The following DYTN variants were observed in gnomAD, a reference collection of about 807,000 sequenced individuals.
The protein encoded by DYTN is dystrotelin.
A neutral mutation model predicts 69.6 loss-of-function variants in DYTN; 75 were observed. The observed-to-expected ratio is 1.08, with a 90% CI of 0.89 to 1.31. The LOEUF is 1.31. DYTN is among the 50% of genes most tolerant of loss of function. DYTN has a pLI of 0.00. For missense variants in DYTN, 726 were observed against 688.4 expected, an observed-to-expected ratio of 1.05 and a Z score of -0.61; for synonymous variants, 252 against 249.1, an observed-to-expected ratio of 1.01 and a Z score of -0.11.
At chr2:206,713,531 G>A (rs926472874) in intron 1 of DYTN, among the ~76,000 whole-genome samples, 10 of 152,184 alleles carry the variant, frequency 6.6e-5, no homozygotes, top group African/African-American at 2.4e-4. Context: ...ATGCGCTGGG[G>A]GGATGGCCAT....
chr2:206,703,175 G>A (rs1379923061), intron 5 of DYTN, among the ~76,000 whole-genome samples: 1 of 152,170 alleles, frequency 6.6e-6, no homozygotes, highest in Non-Finnish European at 1.5e-5. Context: ...AACAAGGGCA[G>A]ATTTTTAGAG....
intron 9 of DYTN, among the ~76,000 whole-genome samples, chr2:206,669,242 A>G (rs995022004): frequency 1.3e-5 from 2 of 152,224 alleles, no homozygotes; most frequent in South Asian, 2.1e-4. Flanking sequence ...TTTTCACACT[A>G]CTTGTGCACA....
In DYTN at chr2:206,693,299, GT is replaced by G; in HGVS notation, c.855del (p.Lys285AsnfsTer31). The G allele has an allele frequency of 6.2e-7, 1 of 1,612,964 alleles. No individual in the cohort carries two copies. Among genetic ancestry groups the G allele is most frequent in the Non-Finnish European group, 8.5e-7 (1 of 1,179,858 alleles). On this transcript the variant is annotated frameshift_variant, in exon 9 of 12. Transcript: ENST00000452335. LOFTEE classifies it high-confidence loss of function. ...CIQMSAMQNT[K>X]LLFRTLRNNL... ...TTGTTTCTGAGGGTCCTGAAGAGAA[GT>G]TTTGTATTCTGCATTGCTGACATCT...
intron 1 of DYTN, among the ~76,000 whole-genome samples, chr2:206,715,005 T>C (rs937482798): frequency 6.6e-6 from 1 of 151,932 alleles, no homozygotes; most frequent in Admixed American, 6.6e-5. Context: ...AGCTACTTAG[T>C]GCATGTTGAA....
intron 11 of DYTN, among the ~76,000 whole-genome samples, chr2:206,659,484 CAAAAAAAAAAAAA>C (rs772861150): frequency 1.5e-5 from 1 of 64,574 alleles, no homozygotes; most frequent in East Asian, 5.1e-4. Context: ...CAACAATTCT[CAAAAAAAAAAAAA>C]AAAAAAAAAA....
intron 7 of DYTN, 129 bp downstream of exon 7, chr2:206,699,598 T>C: frequency 8.6e-7 from 1 of 1,159,246 alleles, no homozygotes; most frequent in Non-Finnish European, 1.2e-6. Context: ...CAGGAAATCA[T>C]TGAGCCAAAA....
rs1688455794 is a variant in DYTN at position 206,699,765 on chromosome 2, C to A, written c.681G>T (p.Arg227=). The stretch of plus-strand genomic sequence containing the variant: ...TTGGGAAAGTCCTGCAGAGAGTGCA[C>A]CGAGCAGGGTGAGTGACCCTTTCAG... ...SAAERVTHPA[R]CTLCRTFPIT... is the part of the protein sequence containing the mutation. Residue 227 remains arginine (R), a synonymous_variant, in exon 7 of 12, where the codon CGG becomes CGT. Coordinates refer to ENST00000452335, the MANE Select transcript of DYTN (RefSeq NM_001093730.1). The A allele has an allele frequency of 1.2e-6, 2 of 1,613,732 alleles. No individual in the cohort carries two copies. Among genetic ancestry groups the A allele is most frequent in the Non-Finnish European group, 1.7e-6 (2 of 1,179,792 alleles).
Position 206,676,326 on chromosome 2 carries a change from G to C in DYTN, c.981-10297C>G, listed in dbSNP as rs111613394. On this transcript the variant is annotated intron_variant, in intron 9 of 11. Transcript: ENST00000452335. ...CATCATCCACAGCAAACTAACACAG[G>C]AACAGAAAACCAAACACTGCATGTT... is the stretch of plus-strand genomic sequence containing the variant. Among the ~76,000 whole-genome samples the C allele has an allele frequency of 9.7e-3, 1,468 of 152,062 alleles. 23 individuals carry two copies. The highest frequency in any genetic ancestry group is 0.032 in the African/African-American group (1,326 of 41,460).
intron 4 of DYTN, 116 bp downstream of exon 4, chr2:206,705,672 C>A: frequency 4.9e-6 from 4 of 824,612 alleles, no homozygotes; most frequent in South Asian, 2.1e-5. Flanking sequence ...ATTTAATAAA[C>A]ACATAAGTCA....
intron 10 of DYTN, among the ~76,000 whole-genome samples, chr2:206,664,011 A>G (rs1019028004): frequency 2.0e-5 from 3 of 152,202 alleles, no homozygotes; most frequent in Non-Finnish European, 4.4e-5. Context: ...GTGTGAATCA[A>G]GGCAGCATCA....
chr2:206,699,536 A>G (rs1347000362), intron 7 of DYTN, among the ~76,000 whole-genome samples, 191 bp downstream of exon 7: 1 of 152,238 alleles, frequency 6.6e-6, no homozygotes, highest in African/African-American at 2.4e-5. Flanking sequence ...TTAATATTTC[A>G]TCCATTATAG....
chr2:206,715,023 A>T (rs1407248947), intron 1 of DYTN, among the ~76,000 whole-genome samples: 7 of 151,844 alleles, frequency 4.6e-5, no homozygotes, highest in African/African-American at 1.7e-4. Flanking sequence ...GAAGGAACAG[A>T]TGTCTAAGAT....
chr2:206,714,957 T>C (rs77687504), intron 1 of DYTN, among the ~76,000 whole-genome samples: 2 of 151,976 alleles, frequency 1.3e-5, no homozygotes, highest in African/African-American at 2.4e-5. Context: ...TTTTTTTTTT[T>C]CTCGTCTTAT....
intron 9 of DYTN, 137 bp from the exon 10 acceptor site, chr2:206,666,166 T>G: frequency 8.3e-7 from 1 of 1,203,634 alleles, no homozygotes; most frequent in Non-Finnish European, 1.1e-6. Flanking sequence ...TGTTTTTTGT[T>G]GAGATGGAGC....
chr2:206,660,614 C>G (rs1480287973), intron 11 of DYTN, among the ~76,000 whole-genome samples: 1 of 152,194 alleles, frequency 6.6e-6, no homozygotes, highest in African/African-American at 2.4e-5. Flanking sequence ...GCTTTGAATA[C>G]TCATCATGAC....
chr2:206,699,842 A>C lies in DYTN; in HGVS notation c.604T>G (p.Ser202Ala). ...KEEKFLSWVQ[S>A]EPPILLWLPT... ...AGCCACAGGAGGATGGGAGGCTCAG[A>C]TTGGACCCAAGACAGGAATTTTTCT... Residue 202 changes from serine to alanine, a missense_variant, in exon 7 of 12, where the codon TCT becomes GCT. Ser to Ala is a moderately conservative substitution (Grantham distance 99). Transcript: ENST00000452335. 6.2e-7 allele frequency: 1 copy of C among 1,613,828 alleles called. No homozygotes were observed.
At chr2:206,674,305 G>A (rs1346210935) in intron 9 of DYTN, among the ~76,000 whole-genome samples, 1 of 151,926 alleles carries the variant, frequency 6.6e-6, no homozygotes, top group Non-Finnish European at 1.5e-5. Flanking sequence ...TAAATAAAAT[G>A]ATACACTTAA....
At position 206,671,870 on chromosome 2, in the gene DYTN, C is replaced by T. The variant is rs934139734; in HGVS notation, c.981-5841G>A. ...AGACACTATGGTTTATTTAGTCATT[C>T]GCAATGAAAGCATAAGCTGTTTCCA... On this transcript the variant is annotated intron_variant, in intron 9 of 11. Coordinates refer to ENST00000452335, the MANE Select transcript of DYTN (RefSeq NM_001093730.1). 6.6e-5 allele frequency among the ~76,000 whole-genome samples: 10 copies of T among 152,218 alleles called. No homozygotes were observed. In the South Asian group the frequency reaches 1.5e-3, roughly 22 times the overall value.
chr2:206,709,656 A>G (rs975758045), intron 2 of DYTN, among the ~76,000 whole-genome samples: 5 of 152,168 alleles, frequency 3.3e-5, no homozygotes, highest in South Asian at 2.1e-4. Flanking sequence ...CCACTGCCCT[A>G]TATAACTTTT....
Sources: gnomAD v4.1 joint callset for allele counts (sites outside exome capture counted in the v4.1 genomes callset) on GRCh38, gnomAD v4.1.1 for gene constraint, MANE v1.5 for transcripts, NCBI Gene and HGNC (gene_info 2026-07-23, HGNC 2026-07-21) for gene names.